TIAM1: variants seen among roughly 807,000 people sequenced by gnomAD.
TIAM1 encodes the protein rho guanine nucleotide exchange factor TIAM1.
In TIAM1, 65 loss-of-function variants were observed where a neutral mutation model predicts 163.5. The ratio of observed to expected loss-of-function variants is 0.40; its 90% CI spans 0.33 to 0.49. The LOEUF (loss-of-function observed/expected upper bound fraction) is 0.49. Ranked by LOEUF, TIAM1 falls within the 20% of genes least tolerant of loss-of-function variation. TIAM1 has a pLI of 0.77. For missense variants in TIAM1, 1,789 were observed against 2,044.7 expected (o/e 0.87, Z 2.41); for synonymous variants, 833 against 810.1 (o/e 1.03, Z -0.48).
intron 1 of TIAM1, among the ~76,000 whole-genome samples, chr21:31,551,439 G>A (rs552506295): frequency 1.3e-4 from 20 of 151,158 alleles, no homozygotes; most frequent in African/African-American, 4.9e-4. Flanking sequence ...GAAAAAGAAA[G>A]AAAGAAAAAG....
At chr21:31,209,819 T>C (rs2086635224) in intron 11 of TIAM1, among the ~76,000 whole-genome samples, 1 of 152,226 alleles carries the variant, frequency 6.6e-6, no homozygotes, top group African/African-American at 2.4e-5. Context: ...ACACACACAT[T>C]GAAAGATGCT....
intron 2 of TIAM1, among the ~76,000 whole-genome samples, chr21:31,295,557 A>T (rs1299274097): frequency 6.6e-6 from 1 of 151,982 alleles, no homozygotes; most frequent in Non-Finnish European, 1.5e-5. Flanking sequence ...ATGTAATCTA[A>T]GGCTCAAAAG....
chr21:31,413,662 A>G (rs2047933769), intron 2 of TIAM1, among the ~76,000 whole-genome samples: 2 of 152,184 alleles, frequency 1.3e-5, no homozygotes, highest in African/African-American at 4.8e-5. Context: ...ATTGATTATC[A>G]TTCTGCTCCA....
At chr21:31,251,137 G>C (rs998149854) in intron 5 of TIAM1, among the ~76,000 whole-genome samples, 15 of 152,146 alleles carry the variant, frequency 9.9e-5, no homozygotes, top group Admixed American at 7.9e-4. Flanking sequence ...AAGACAAAAA[G>C]CTGGATGAGT....
intron 2 of TIAM1, among the ~76,000 whole-genome samples, chr21:31,319,968 TTTG>T (rs2075258490): frequency 6.6e-6 from 1 of 152,130 alleles, no homozygotes; most frequent in African/African-American, 2.4e-5. Flanking sequence ...AATTACATGT[TTTG>T]TTGTTGTTGC....
intron 19 of TIAM1, among the ~76,000 whole-genome samples, chr21:31,152,279 C>T (rs890319380): frequency 3.9e-5 from 6 of 152,046 alleles, no homozygotes; most frequent in African/African-American, 1.2e-4. Flanking sequence ...GTGATCTGCC[C>T]GCCTTGGCCT....
chr21:31,322,977 G>A (rs924382133), intron 2 of TIAM1, among the ~76,000 whole-genome samples: 3 of 152,028 alleles, frequency 2.0e-5, no homozygotes, highest in Non-Finnish European at 4.4e-5. Context: ...TGCACTTCAG[G>A]GCTCCACAGC....
At chr21:31,325,576 G>A (rs1400795921) in intron 2 of TIAM1, among the ~76,000 whole-genome samples, 1 of 151,300 alleles carries the variant, frequency 6.6e-6, no homozygotes, top group African/African-American at 2.4e-5. Context: ...GCTGAGGCAT[G>A]AGAAACACTT....
At chr21:31,259,883 A>G (rs1257713484) in intron 4 of TIAM1, among the ~76,000 whole-genome samples, 1 of 151,732 alleles carries the variant, frequency 6.6e-6, no homozygotes, top group Non-Finnish European at 1.5e-5. Flanking sequence ...AATCATAGAG[A>G]TCTGCAAAAA....
At chr21:31,371,592 G>A (rs185868000) in intron 2 of TIAM1, among the ~76,000 whole-genome samples, 8 of 152,282 alleles carry the variant, frequency 5.3e-5, no homozygotes, top group Admixed American at 5.2e-4. Context: ...CGTTTCTCTA[G>A]AAAAAGATAG....
chr21:31,472,048 T>G (rs2045762193), intron 1 of TIAM1, among the ~76,000 whole-genome samples: 1 of 151,950 alleles, frequency 6.6e-6, no homozygotes, highest in African/African-American at 2.4e-5. Flanking sequence ...CACAAGGCTG[T>G]TGTGGTTAAG....
At chr21:31,426,937 CT>C (rs1366299472) in intron 2 of TIAM1, among the ~76,000 whole-genome samples, 2 of 152,126 alleles carry the variant, frequency 1.3e-5, no homozygotes, top group Non-Finnish European at 1.5e-5. Context: ...TTTATTATTA[CT>C]TTTTTATACA....
intron 13 of TIAM1, among the ~76,000 whole-genome samples, chr21:31,189,201 C>A (rs576316685): frequency 4.0e-5 from 6 of 151,594 alleles, no homozygotes; most frequent in Non-Finnish European, 8.8e-5. Flanking sequence ...ATTACAGGCA[C>A]ACACCACCAC....
intron 2 of TIAM1, among the ~76,000 whole-genome samples, chr21:31,459,396 G>A (rs1373900465): frequency 6.6e-6 from 1 of 152,112 alleles, no homozygotes; most frequent in Non-Finnish European, 1.5e-5. Flanking sequence ...CATTATGCAG[G>A]CAAGAAGGAA....
chr21:31,518,053 C>T (rs889865942), intron 1 of TIAM1, among the ~76,000 whole-genome samples: 1 of 152,122 alleles, frequency 6.6e-6, no homozygotes, highest in African/African-American at 2.4e-5. Context: ...GCTTTTCTCC[C>T]GTTAATCTGT....
chr21:31,227,141 G>A (rs1289348156), intron 6 of TIAM1, among the ~76,000 whole-genome samples: 3 of 151,752 alleles, frequency 2.0e-5, no homozygotes, highest in African/African-American at 7.3e-5. Context: ...ATTTTTAGTA[G>A]AGACAGGGTT....
chr21:31,273,551 C>T (rs564675748), intron 3 of TIAM1, among the ~76,000 whole-genome samples: 1 of 152,292 alleles, frequency 6.6e-6, no homozygotes, highest in South Asian at 2.1e-4. Flanking sequence ...GACATTAGAG[C>T]CTCCACCCAC....
At chr21:31,540,435 C>G (rs1601031318) in intron 1 of TIAM1, among the ~76,000 whole-genome samples, 1 of 151,238 alleles carries the variant, frequency 6.6e-6, no homozygotes, top group South Asian at 2.1e-4. Context: ...GTCCTAAACA[C>G]CACTTATAAA....
At chr21:31,329,228 G>C (rs1206503010) in intron 2 of TIAM1, among the ~76,000 whole-genome samples, 1 of 152,206 alleles carries the variant, frequency 6.6e-6, no homozygotes, top group African/African-American at 2.4e-5. Context: ...CTGAGGGTAA[G>C]GATGCTTCCC....
Sources: allele counts gnomAD v4.1 joint callset (sites outside exome capture counted in the v4.1 genomes callset), GRCh38; gene constraint gnomAD v4.1.1; transcripts MANE v1.5; gene names NCBI Gene and HGNC (gene_info 2026-07-23, HGNC 2026-07-21).